Variants in ADGRL2 observed in about 807,000 individuals in gnomAD.
ADGRL2 encodes calcium-independent alpha-latrotoxin receptor 2.
In ADGRL2, 44 loss-of-function variants were observed where a neutral mutation model predicts 157.4. The observed-to-expected ratio is 0.28, with a 90% CI of 0.22 to 0.36. The LOEUF (loss-of-function observed/expected upper bound fraction) is 0.36. Among genes scored for constraint, ADGRL2 ranks in the 10% least tolerant of loss-of-function variants. The pLI, the probability that ADGRL2 is intolerant of heterozygous loss-of-function variation, is 1.00. For synonymous variants in ADGRL2, 585 were observed against 624.7 expected, an observed-to-expected ratio of 0.94 and a Z score of 0.95; for missense variants, 1,510 against 1,768.9, an observed-to-expected ratio of 0.85 and a Z score of 2.63.
intron 3 of ADGRL2, among the ~76,000 whole-genome samples, chr1:81,919,579 G>T (rs1371287206): frequency 6.6e-6 from 1 of 150,702 alleles, no homozygotes; most frequent in African/African-American, 2.4e-5. Flanking sequence ...TTTTACTCTT[G>T]GTACTTAGAA....
intron 11 of ADGRL2, among the ~76,000 whole-genome samples, chr1:81,963,895 T>G (rs1656254429): frequency 6.6e-6 from 1 of 151,194 alleles, no homozygotes; most frequent in South Asian, 2.1e-4. Context: ...TAAAATTCAG[T>G]ATGTATTTAT....
At chr1:81,727,336 C>T (rs972147278) in intron 1 of ADGRL2, among the ~76,000 whole-genome samples, 1 of 152,008 alleles carries the variant, frequency 6.6e-6, no homozygotes, top group African/African-American at 2.4e-5. Context: ...GAAACAACTA[C>T]CATTAATGTT....
chr1:81,460,689 C>T (rs997707404), intron 2 of ADGRL2, among the ~76,000 whole-genome samples: 1 of 152,072 alleles, frequency 6.6e-6, no homozygotes, highest in Non-Finnish European at 1.5e-5. Flanking sequence ...GAAGAGCCAC[C>T]CCTTTTACTT....
intron 2 of ADGRL2, among the ~76,000 whole-genome samples, chr1:81,496,731 A>C (rs942232133): frequency 1.7e-4 from 26 of 152,156 alleles, no homozygotes; most frequent in African/African-American, 5.8e-4. Context: ...TGCTTATTGA[A>C]TTTAGAAGAC....
chr1:81,980,933 A>G, intron 18 of ADGRL2: 1 of 544,238 alleles, frequency 1.8e-6, no homozygotes, highest in Admixed American at 2.8e-5. Context: ...TTTTATAATT[A>G]TTTTGAAATA....
chr1:81,317,733 A>G (rs748037596), intron 1 of ADGRL2, among the ~76,000 whole-genome samples: 72 of 152,252 alleles, frequency 4.7e-4, no homozygotes, highest in Admixed American at 1.0e-3. Flanking sequence ...TGTTCTTAAA[A>G]TTTTTTGAAA....
intron 3 of ADGRL2, chr1:81,588,255 TG>T (rs2081065947): frequency 6.6e-6 from 1 of 152,122 alleles, no homozygotes; most frequent in African/African-American, 2.4e-5. Flanking sequence ...GGCTAATCTT[TG>T]GGAAGGAGAG....
At chr1:81,788,666 T>G (rs1342629784) in intron 2 of ADGRL2, among the ~76,000 whole-genome samples, 1 of 152,196 alleles carries the variant, frequency 6.6e-6, no homozygotes, top group East Asian at 1.9e-4. Flanking sequence ...TATGAGCTAA[T>G]ATACACCAAA....
At chr1:81,840,299 C>T (rs1003381958) in intron 2 of ADGRL2, among the ~76,000 whole-genome samples, 20 of 151,952 alleles carry the variant, frequency 1.3e-4, no homozygotes, top group Non-Finnish European at 1.3e-4. Flanking sequence ...AAAAAACAAG[C>T]GTGTATACCA....
At chr1:81,723,039 G>C in intron 1 of ADGRL2, 1 of 764,452 alleles carries the variant, frequency 1.3e-6, no homozygotes, top group Non-Finnish European at 2.4e-6. Context: ...AATCTTATCA[G>C]TAAATTGTCA....
At chr1:81,828,907 A>AT (rs71592742) in intron 1 of ADGRL2, among the ~76,000 whole-genome samples, 21,127 of 144,724 alleles carry the variant, frequency 0.15, 1,610 homozygotes, top group East Asian at 0.19. Context: ...ATCTCCTCAT[A>AT]TTTTTTTTTT....
chr1:81,923,732 G>A (rs1054094650), intron 3 of ADGRL2, among the ~76,000 whole-genome samples: 1 of 152,098 alleles, frequency 6.6e-6, no homozygotes, highest in Non-Finnish European at 1.5e-5. Context: ...TTTAAATTGA[G>A]TACTTCTTGC....
At chr1:81,559,973 A>G (rs2080403483) in intron 2 of ADGRL2, among the ~76,000 whole-genome samples, 1 of 152,194 alleles carries the variant, frequency 6.6e-6, no homozygotes, top group East Asian at 1.9e-4. Flanking sequence ...TAGCAGCTAA[A>G]TGTCTTCTTC....
intron 2 of ADGRL2, chr1:81,514,683 T>C (rs1337254068): frequency 6.6e-6 from 1 of 152,242 alleles, no homozygotes; most frequent in Non-Finnish European, 1.5e-5. Flanking sequence ...TGAAGTTTTC[T>C]GAATGCTTCT....
chr1:81,489,920 A>G (rs1009272032), intron 2 of ADGRL2, among the ~76,000 whole-genome samples: 1 of 152,214 alleles, frequency 6.6e-6, no homozygotes, highest in African/African-American at 2.4e-5. Flanking sequence ...AAAAGCTAAG[A>G]AAGTTCATTA....
chr1:81,405,068 T>C (rs7548628), intron 1 of ADGRL2, among the ~76,000 whole-genome samples: 73,648 of 152,042 alleles, frequency 0.48, 18,568 homozygotes, highest in Non-Finnish European at 0.54. Context: ...CACTTGGAAG[T>C]TATTATGTTG....
chr1:81,796,137 C>T (rs2087574895), upstream of ADGRL2, among the ~76,000 whole-genome samples: 1 of 152,004 alleles, frequency 6.6e-6, no homozygotes, highest in African/African-American at 2.4e-5. Context: ...ATTATAGGCG[C>T]CTGCCACCGT....
intron 3 of ADGRL2, among the ~76,000 whole-genome samples, chr1:81,680,147 T>TA (rs1304325477): frequency 6.6e-6 from 1 of 152,164 alleles, no homozygotes; most frequent in African/African-American, 2.4e-5. Context: ...GAATGAAACT[T>TA]ATCTAAGTGG....
chr1:81,340,907 TA>T (rs1662024472), intron 1 of ADGRL2, among the ~76,000 whole-genome samples: 1 of 151,558 alleles, frequency 6.6e-6, no homozygotes, highest in East Asian at 1.9e-4. Flanking sequence ...TTTTTTTTTT[TA>T]AATGGAACCT....
Sources: allele counts gnomAD v4.1 joint callset (sites outside exome capture counted in the v4.1 genomes callset), GRCh38; gene constraint gnomAD v4.1.1; transcripts MANE v1.5; gene names NCBI Gene and HGNC (gene_info 2026-07-23, HGNC 2026-07-21).